The following EOLA2 variants were observed in gnomAD, a reference collection of about 807,000 sequenced individuals.
EOLA2 encodes protein EOLA2.
In EOLA2, 3 loss-of-function variants were observed where a neutral mutation model predicts 4.1. The ratio of observed to expected loss-of-function variants is 0.73; its 90% CI spans 0.33 to 1.89. EOLA2 has a LOEUF of 1.89. EOLA2 is among the 40% of genes most tolerant of loss of function. The pLI is 0.08. For missense variants in EOLA2, 109 were observed against 126.4 expected (o/e 0.86, Z 0.66); for synonymous variants, 52 against 51.7 (o/e 1.01, Z -0.03).
chrX:149,938,366 T>G lies in EOLA2; in HGVS notation c.-384A>C, dbSNP rs1167635791. On this transcript the variant is annotated 5_prime_UTR_variant, in exon 1 of 5. Coordinates refer to ENST00000370406, the MANE Select transcript of EOLA2 (RefSeq NM_001013845.2). ...GTGAGAAGAGAGAGCACCCGGCTCG[T>G]GTCAGGGCTGTAAGGTAGCTGCCGC... The G allele has an allele frequency of 8.9e-6, 1 of 112,569 alleles. No homozygotes were observed. Among genetic ancestry groups the G allele is most frequent in the African/African-American group, 3.2e-5 (1 of 30,857 alleles). The allele number at this position is 112,569 out of a possible 1,213,427, so 9.3% of individuals were successfully genotyped here.
At chrX:149,933,432 G>A (rs781805201) in intron 4 of EOLA2, among the ~76,000 whole-genome samples, 190 bp downstream of exon 4, 2 of 110,977 alleles carry the variant, frequency 1.8e-5, no homozygotes, top group Admixed American at 9.5e-5. Context: ...ATTTACCAGA[G>A]CTTGCGGAAG....
intron 1 of EOLA2, 159 bp downstream of exon 1, chrX:149,938,024 AGAAGGAGGGG>A (rs2091045771): frequency 8.9e-6 from 1 of 112,830 alleles, no homozygotes; most frequent in Non-Finnish European, 1.9e-5. Context: ...ACACGCGCTT[AGAAGGAGGGG>A]GGCCGAGACC....
At position 149,933,900 on chromosome X, in the gene EOLA2, T is replaced by C. The variant is rs782133219; in HGVS notation, c.-26A>G. 24 of 1,192,453 alleles carry C rather than the reference T, an allele frequency of 2.0e-5. No homozygotes were observed. Among genetic ancestry groups the C allele is most frequent in the Non-Finnish European group, 1.1e-5 (10 of 885,012 alleles). On this transcript the variant is annotated 5_prime_UTR_variant, in exon 4 of 5. Transcript: ENST00000370406. Reference sequence around the variant, plus strand: ...CTTCGCAAGCGCCCCGGGCCTCCCGTAGCCTGCGGAAGCACAGAAGCGCAT... The same window carrying C: ...CTTCGCAAGCGCCCCGGGCCTCCCGCAGCCTGCGGAAGCACAGAAGCGCAT...
chrX:149,934,141 G>C lies in EOLA2; in HGVS notation c.-162-4C>G, dbSNP rs2090937265. Reference sequence around the variant, plus strand: ...GTCCGGAGTAGGGCGGGGACAGCTAGAGGAAGGCACAGGCAGGATAGCATG... The same window carrying C: ...GTCCGGAGTAGGGCGGGGACAGCTACAGGAAGGCACAGGCAGGATAGCATG... On this transcript the variant is annotated splice_polypyrimidine_tract_variant and splice_region_variant and intron_variant, in intron 2 of 4. Coordinates refer to ENST00000370406, the MANE Select transcript of EOLA2 (RefSeq NM_001013845.2). 1 of 1,044,491 alleles carries C rather than the reference G, an allele frequency of 9.6e-7. No homozygotes were observed. The allele number at this position is 1,044,491 out of a possible 1,213,427, so 86.1% of individuals were successfully genotyped here.
At chrX:149,931,151 C>A (rs1299563121), downstream of EOLA2, 130 of 935,072 alleles carry the variant, frequency 1.4e-4, 1 homozygote, top group Middle Eastern at 4.4e-4. Context: ...ACAGTTCAGA[C>A]ACACTGCAAA....
chrX:149,935,741 A>G (rs34168181), intron 2 of EOLA2, among the ~76,000 whole-genome samples: 17,811 of 88,940 alleles, frequency 0.2, 1,263 homozygotes, highest in East Asian at 0.3. Flanking sequence ...GGACAGGCCC[A>G]TACATACTCA....
Position 149,934,029 on chromosome X carries a change from G to A in EOLA2, c.-54C>T, listed in dbSNP as rs1557375347. On this transcript the variant is annotated 5_prime_UTR_variant, in exon 3 of 5. Transcript: ENST00000370406. ...CCTTGATGGTCTGCTGCTTCCGTCT[G>A]TCACTGATGTCGAGCACCACAGCAG... 9.1e-7 allele frequency: 1 copy of A among 1,100,003 alleles called. No homozygotes were observed. The allele number at this position is 1,100,003 out of a possible 1,213,427, so 90.7% of individuals were successfully genotyped here.
chrX:149,934,999 A>G (rs1348342682), intron 2 of EOLA2, among the ~76,000 whole-genome samples: 1 of 112,097 alleles, frequency 8.9e-6, no homozygotes, highest in Non-Finnish European at 1.9e-5. Context: ...ACAGTCAGAA[A>G]TAGTGGCCGC....
chrX:149,937,986 G>T (rs782552815), intron 1 of EOLA2, among the ~76,000 whole-genome samples: 15 of 112,975 alleles, frequency 1.3e-4, no homozygotes, highest in Non-Finnish European at 2.3e-4. Flanking sequence ...TGTGTGTGGA[G>T]CAGCACTTGC....
At position 149,933,786 on chromosome X, in the gene EOLA2, A is replaced by T; in HGVS notation, c.89T>A (p.Leu30Gln). The T allele has an allele frequency of 8.3e-7, 1 of 1,198,517 alleles. No individual in the cohort carries two copies. The highest frequency in any genetic ancestry group is 1.1e-6 in the Non-Finnish European group (1 of 886,888). Reference protein sequence around the residue: ...IKTVETRWRPLLSSQRNCTIA... With the variant: ...IKTVETRWRPQLSSQRNCTIA... ...GGTACAGTTCCGCTGGCTGCTCAGC[A>T]GAGGACGCCAGCGCGTCTCCACAGT... The change falls in exon 4 of 5, where the codon CTG becomes CAG. Residue 30 changes from leucine to glutamine, a missense_variant. Transcript: ENST00000370406.
chrX:149,934,994 C>G (rs1283824369), intron 2 of EOLA2, among the ~76,000 whole-genome samples: 1 of 112,330 alleles, frequency 8.9e-6, no homozygotes, highest in Non-Finnish European at 1.9e-5. Context: ...ACAGAACAGT[C>G]AGAAATAGTG....
At chrX:149,931,299 G>T (rs781934128), downstream of EOLA2, 4 of 385,010 alleles carry the variant, frequency 1.0e-5, no homozygotes, top group Admixed American at 6.3e-5. Context: ...TGTTGTCTGT[G>T]TTTTTTTTTA....
downstream of EOLA2, among the ~76,000 whole-genome samples, chrX:149,931,848 A>G (rs1433361465): frequency 1.9e-5 from 2 of 104,009 alleles, no homozygotes; most frequent in Non-Finnish European, 3.9e-5. Flanking sequence ...ATAAAACAAC[A>G]CTACTGATCA....
At chrX:149,931,700 C>T (rs1490366582), downstream of EOLA2, among the ~76,000 whole-genome samples, 1 of 80,374 alleles carries the variant, frequency 1.2e-5, no homozygotes, top group African/African-American at 4.7e-5. Flanking sequence ...GATGTACAAC[C>T]ACCATAACAT....
chrX:149,931,512 G>A (rs2090872681), downstream of EOLA2, among the ~76,000 whole-genome samples: 1 of 102,969 alleles, frequency 9.7e-6, no homozygotes, highest in Non-Finnish European at 2.0e-5. Context: ...TCAGGAGAAA[G>A]AATAGACGCC....
At chrX:149,935,536 A>C (rs1603035748) in intron 2 of EOLA2, among the ~76,000 whole-genome samples, 14 of 9,115 alleles carry the variant, frequency 1.5e-3, no homozygotes, top group East Asian at 7.6e-3. Flanking sequence ...CCCACCACCC[A>C]CTCCACTGAC....
chrX:149,935,326 G>A (rs1369989302), intron 2 of EOLA2, among the ~76,000 whole-genome samples: 1 of 70,326 alleles, frequency 1.4e-5, no homozygotes, highest in Non-Finnish European at 2.7e-5. Context: ...GGCTCACTCC[G>A]GGCCCTGGGT....
intron 2 of EOLA2, among the ~76,000 whole-genome samples, chrX:149,934,985 C>T (rs182867972): frequency 1.6e-3 from 177 of 111,518 alleles, no homozygotes; most frequent in East Asian, 2.2e-3. Context: ...TGGCACCTAA[C>T]AGAACAGTCA....
rs782069729 is a variant in EOLA2, at chrX:149,933,665, G to A, written c.210C>T (p.Ala70=). The change falls in exon 4 of 5, where the codon GCC becomes GCT. Residue 70 remains alanine (A), a synonymous_variant. Transcript: ENST00000370406. The part of the protein sequence containing the change: ...RLGMTPAQIQ[A]LLRKGEKFGR... ...CAAACTTTTCCCCTTTCCTGAGCAA[G>A]GCCTGAATCTGAGCAGGAGTCATCC... The A allele has an allele frequency of 8.3e-7, 1 of 1,207,922 alleles. No homozygotes were observed. The highest frequency in any genetic ancestry group is 1.8e-5 in the African/African-American group (1 of 55,273).
Sources: allele counts gnomAD v4.1 joint callset (sites outside exome capture counted in the v4.1 genomes callset), GRCh38; gene constraint gnomAD v4.1.1; transcripts MANE v1.5; gene names NCBI Gene and HGNC (gene_info 2026-07-23, HGNC 2026-07-21).